SLC6A19: variants seen among roughly 807,000 people sequenced by gnomAD.
The protein encoded by SLC6A19 is sodium-dependent neutral amino acid transporter B(0)AT1.
In SLC6A19, 67 loss-of-function variants were observed where a neutral mutation model predicts 68.3. That is an observed-to-expected ratio of 0.98 (90% confidence interval 0.81 to 1.20). The LOEUF is 1.20. Ranked by LOEUF, SLC6A19 falls within the 50% of genes most tolerant of loss-of-function variation. The pLI, the probability that SLC6A19 is intolerant of heterozygous loss-of-function variation, is 0.00. For synonymous variants in SLC6A19, 392 were observed against 374.9 expected, an observed-to-expected ratio of 1.05 and a Z score of -0.53; for missense variants, 813 against 851.6, an observed-to-expected ratio of 0.95 and a Z score of 0.56.
In SLC6A19 at chr5:1,201,798, G is replaced by A. The variant is rs745526472; in HGVS notation, c.148G>A (p.Val50Met). 34 of 1,612,502 alleles carry A rather than the reference G, an allele frequency of 2.1e-5. No homozygotes were observed. Among genetic ancestry groups the A allele is most frequent in the Middle Eastern group, 1.6e-4 (1 of 6,082 alleles). ...CATGCTCACCTGCCTGGGCTTCTGC[G>A]TGGGCCTCGGCAACGTGTGGCGCTT... is the stretch of plus-strand genomic sequence containing the variant. Reference protein sequence around the residue: ...QYMLTCLGFCVGLGNVWRFPY... With the variant: ...QYMLTCLGFCMGLGNVWRFPY... Residue 50 changes from valine to methionine, a missense_variant, in exon 1 of 12, where the codon GTG (valine) becomes ATG (methionine). Val to Met is a conservative substitution (Grantham distance 21). Transcript: ENST00000304460.
chr5:1,203,422 G>A (rs1007810345), intron 1 of SLC6A19, among the ~76,000 whole-genome samples: 3 of 152,158 alleles, frequency 2.0e-5, no homozygotes, highest in African/African-American at 7.2e-5. Flanking sequence ...GCAGCGGGCA[G>A]CGGGCAGCGG....
chr5:1,218,768 G>T, intron 8 of SLC6A19, 135 bp from the exon 9 acceptor site: 1 of 820,548 alleles, frequency 1.2e-6, no homozygotes, highest in Non-Finnish European at 1.9e-6. Flanking sequence ...TAAAAGACAA[G>T]ATCTAGCTAT....
In SLC6A19 at chr5:1,212,063, G is replaced by A. The variant is rs4975632; in HGVS notation, c.482-240G>A. On this transcript the variant is annotated intron_variant, in intron 3 of 11. Coordinates refer to ENST00000304460, the MANE Select transcript of SLC6A19 (RefSeq NM_001003841.3). The surrounding 1 kb of genome is among the most constrained non-coding windows in gnomAD (Gnocchi z 5.1). The stretch of plus-strand genomic sequence containing the variant: ...TGTGTGTGTGTGCATGTGCATGTGT[G>A]GGGTGTGCAGGTGCATGGACCAGAT... Among the ~76,000 whole-genome samples the A allele has an allele frequency of 0.12, 17,653 of 151,336 alleles. 1,228 individuals are homozygous for A. Among genetic ancestry groups the A allele is most frequent in the Middle Eastern group, 0.23 (67 of 286 alleles).
At chr5:1,203,657 C>T (rs1401764057) in intron 1 of SLC6A19, among the ~76,000 whole-genome samples, 1 of 152,260 alleles carries the variant, frequency 6.6e-6, no homozygotes. Context: ...CAGATGGCTC[C>T]ACAGGGTTCT....
chr5:1,211,992 ATGTG>A (rs1430898181), intron 3 of SLC6A19, among the ~76,000 whole-genome samples: 11 of 141,176 alleles, frequency 7.8e-5, no homozygotes, highest in South Asian at 4.6e-4. Flanking sequence ...GTGTCCGTGC[ATGTG>A]CGTGCATGTG....
chr5:1,219,052 GC>G lies in SLC6A19; in HGVS notation c.1327del (p.Leu443CysfsTer33). The G allele has an allele frequency of 6.2e-7, 1 of 1,613,990 alleles. No individual in the cohort carries two copies. The highest frequency in any genetic ancestry group is 1.3e-5 in the African/African-American group (1 of 75,048). On this transcript the variant is annotated frameshift_variant, in exon 9 of 12. Transcript: ENST00000304460. LOFTEE classifies it high-confidence loss of function. Reference protein sequence around the residue: ...MFGNMEGVVVPLQDLRVIPPK... With the variant: ...MFGNMEGVVVXLQDLRVIPPK... ...TTGGGAACATGGAGGGCGTCGTTGTGCCCCTGCAGGACCTCAGAGTCATCCC... is the reference window on the plus strand; with the variant it reads ...TTGGGAACATGGAGGGCGTCGTTGTGCCCTGCAGGACCTCAGAGTCATCCC...
rs889003053 is a variant in SLC6A19, at chr5:1,214,480, C to T, written c.887+415C>T. 3.9e-5 allele frequency among the ~76,000 whole-genome samples: 6 copies of T among 152,238 alleles called. No homozygotes were observed. Among genetic ancestry groups the T allele is most frequent in the Non-Finnish European group, 7.3e-5 (5 of 68,042 alleles). On this transcript the variant is annotated intron_variant, in intron 6 of 11. Coordinates refer to ENST00000304460, the MANE Select transcript of SLC6A19 (RefSeq NM_001003841.3). The surrounding 1 kb of genome is among the most constrained non-coding windows in gnomAD (Gnocchi z 7.4). ...TGATCCTTCCACTGCCCCTTCCCCA[C>T]GTACCCACTGCGCTTCCCAATGCCC... is the stretch of plus-strand genomic sequence containing the variant.
chr5:1,205,346 T>C (rs903815208), intron 1 of SLC6A19, among the ~76,000 whole-genome samples: 1 of 152,268 alleles, frequency 6.6e-6, no homozygotes. Context: ...TCCTTGAGTT[T>C]CTTGGGGCAG....
intron 1 of SLC6A19, 73 bp downstream of exon 1, chr5:1,201,925 A>C: frequency 6.6e-7 from 1 of 1,523,790 alleles, no homozygotes. Flanking sequence ...GGCCCTGGGC[A>C]GACATCCTCC....
chr5:1,218,710 G>A (rs538419400), intron 8 of SLC6A19, among the ~76,000 whole-genome samples, 193 bp from the exon 9 acceptor site: 1 of 152,346 alleles, frequency 6.6e-6, no homozygotes, highest in East Asian at 1.9e-4. Flanking sequence ...TGGGATCCAC[G>A]TGCTGGTCCT....
chr5:1,213,979 C>G lies in SLC6A19; in HGVS notation c.801C>G (p.Thr267=). 6.2e-7 allele frequency: 1 copy of G among 1,613,524 alleles called. No homozygotes were observed. The highest frequency in any genetic ancestry group is 8.5e-7 in the Non-Finnish European group (1 of 1,180,004). ...TCACGGAGCTGGCCCAGCCGGACACCTGGCTGGACGCGGGCGCACAGGTCT... is the reference window on the plus strand; with the variant it reads ...TCACGGAGCTGGCCCAGCCGGACACGTGGCTGGACGCGGGCGCACAGGTCT... The part of the protein sequence containing the change: ...PNVTELAQPD[T]WLDAGAQVFF... The change falls in exon 6 of 12, where the codon ACC becomes ACG. Residue 267 remains threonine, a synonymous_variant. Transcript: ENST00000304460.
intron 1 of SLC6A19, among the ~76,000 whole-genome samples, chr5:1,204,685 C>T (rs1248922792): frequency 3.3e-5 from 5 of 152,224 alleles, no homozygotes; most frequent in Non-Finnish European, 7.3e-5. Flanking sequence ...CCCCCAGCTC[C>T]TCTGCACAGG....
chr5:1,212,605 A>T lies in SLC6A19; in HGVS notation c.663+121A>T. 2 of 1,296,268 alleles carry T rather than the reference A, an allele frequency of 1.5e-6. No homozygotes were observed. Among genetic ancestry groups the T allele is most frequent in the Non-Finnish European group, 2.2e-6 (2 of 929,488 alleles). The allele number at this position is 1,296,268 out of a possible 1,614,324, so 80.3% of individuals were successfully genotyped here. ...GGTCCCGGGCTCTGCCTTTCCCCAG[A>T]CCCCACCAAGAGAGCTGCCTTTGCC... On this transcript the variant is annotated intron_variant, in intron 4 of 11. Coordinates refer to ENST00000304460, the MANE Select transcript of SLC6A19 (RefSeq NM_001003841.3). The surrounding 1 kb of genome is among the most constrained non-coding windows in gnomAD (Gnocchi z 5.1).
intron 10 of SLC6A19, 115 bp from the exon 11 acceptor site, chr5:1,221,036 G>A (rs759003517): frequency 2.9e-5 from 39 of 1,358,080 alleles, no homozygotes; most frequent in Non-Finnish European, 3.9e-5. Flanking sequence ...CCCTGGCAAG[G>A]GGAGGCCGGG....
chr5:1,208,193 C>T (rs1173110629), intron 1 of SLC6A19, among the ~76,000 whole-genome samples: 2 of 152,186 alleles, frequency 1.3e-5, no homozygotes, highest in African/African-American at 2.4e-5. Context: ...CCCCATTAAA[C>T]CCTAATTCCC....
Position 1,209,555 on chromosome 5 carries a change from C to T in SLC6A19, c.343+669C>T, listed in dbSNP as rs76844174. Among the ~76,000 whole-genome samples, 17,819 of 152,086 alleles carry T rather than the reference C, an allele frequency of 0.12. 1,379 individuals carry two copies. Among genetic ancestry groups the T allele is most frequent in the Middle Eastern group, 0.24 (71 of 294 alleles). On this transcript the variant is annotated intron_variant, in intron 2 of 11. Coordinates refer to ENST00000304460, the MANE Select transcript of SLC6A19 (RefSeq NM_001003841.3). This position sits in a 1 kb window ranked among gnomAD's most constrained non-coding sequence, Gnocchi z 5.5. ...GCCCAGGGCAGAGCCCACACCCTCTCGCTGAGTATCCAAGACCTCCCTCCT... is the reference window on the plus strand; with the variant it reads ...GCCCAGGGCAGAGCCCACACCCTCTTGCTGAGTATCCAAGACCTCCCTCCT...
Position 1,212,268 on chromosome 5 carries a change from C to T in SLC6A19, c.482-35C>T, listed in dbSNP as rs776003667. The stretch of plus-strand genomic sequence containing the variant: ...TTCCATTCTCCTCCCTTGGGGGACC[C>T]GTACCCTGAGGTGTGTGAATGGCCC... On this transcript the variant is annotated intron_variant, in intron 3 of 11. Coordinates refer to ENST00000304460, the MANE Select transcript of SLC6A19 (RefSeq NM_001003841.3). The surrounding 1 kb of genome is among the most constrained non-coding windows in gnomAD (Gnocchi z 5.1). 11 of 1,611,174 alleles carry T rather than the reference C, an allele frequency of 6.8e-6. No homozygotes were observed. Among genetic ancestry groups the T allele is most frequent in the African/African-American group, 1.3e-5 (1 of 74,866 alleles).
chr5:1,201,963 G>T, intron 1 of SLC6A19, 111 bp downstream of exon 1: 1 of 1,378,690 alleles, frequency 7.3e-7, no homozygotes, highest in South Asian at 1.4e-5. Flanking sequence ...CAAGCACGGA[G>T]GGGAGAGGAG....
rs746085109 is a variant in SLC6A19, at chr5:1,212,533, G to A, written c.663+49G>A. 8 of 1,594,788 alleles carry A rather than the reference G, an allele frequency of 5.0e-6. No individual in the cohort carries two copies. The South Asian group carries it at 5.5e-5, about 11-fold the overall frequency. The stretch of plus-strand genomic sequence containing the variant: ...TGCAGGTGCTCCAGAGGGCGGGTGC[G>A]GGCAGCCCTGCCTCCGGCCGGCTGC... On this transcript the variant is annotated intron_variant, in intron 4 of 11. Coordinates refer to ENST00000304460, the MANE Select transcript of SLC6A19 (RefSeq NM_001003841.3). This position sits in a 1 kb window ranked among gnomAD's most constrained non-coding sequence, Gnocchi z 5.1.
Sources: gnomAD v4.1 joint callset for allele counts (sites outside exome capture counted in the v4.1 genomes callset) on GRCh38, gnomAD v4.1.1 for gene constraint, Gnocchi (gnomAD v3.1) non-coding constraint, MANE v1.5 for transcripts, NCBI Gene and HGNC (gene_info 2026-07-23, HGNC 2026-07-21) for gene names.